Variants in SLC5A4 observed in about 807,000 individuals in gnomAD.
The protein encoded by SLC5A4 is solute carrier family 5 member 4.
Under a neutral mutation model 70.3 loss-of-function variants are expected in SLC5A4, and 55 were observed. The observed-to-expected ratio is 0.78, with a 90% confidence interval of 0.63 to 0.98. The LOEUF is 0.98. SLC5A4 is among the 50% of genes least tolerant of loss of function. The probability of loss-of-function intolerance (pLI) is 0.00; values close to 1 mark genes in which losing one functional copy is unlikely to be tolerated. For synonymous variants in SLC5A4, 268 were observed against 305.7 expected, an observed-to-expected ratio of 0.88 and a Z score of 1.29; for missense variants, 735 against 839.2, an observed-to-expected ratio of 0.88 and a Z score of 1.53.
chr22:32,272,631 A>G, the SLC5A4 span: 4 of 589,738 alleles, frequency 6.8e-6, no homozygotes, highest in Non-Finnish European at 1.2e-5. Context: ...CTGCAGCCTC[A>G]TGGTGTACAT....
At position 32,247,087 on chromosome 22, in the gene SLC5A4, T is replaced by C. The variant is rs148071027; in HGVS notation, c.477+324A>G. ...AAAGGCAGGCGACCAAGTCCTTCTC[T>C]TTACTACTAAAGAGCTGTGTTACTT... On this transcript the variant is annotated intron_variant, in intron 5 of 14. Coordinates refer to ENST00000266086, the MANE Select transcript of SLC5A4 (RefSeq NM_014227.3). Among the ~76,000 whole-genome samples, 316 of 152,346 alleles carry C rather than the reference T, an allele frequency of 2.1e-3. 2 individuals carry two copies. Among genetic ancestry groups the C allele is most frequent in the South Asian group, 8.1e-3 (39 of 4,820 alleles).
intron 11 of SLC5A4, 126 bp downstream of exon 11, chr22:32,229,068 A>T: frequency 2.4e-6 from 2 of 824,490 alleles, no homozygotes; most frequent in Non-Finnish European, 3.8e-6. Context: ...GATGTACTCC[A>T]ATGTCTCTTC....
the SLC5A4 span, among the ~76,000 whole-genome samples, chr22:32,289,817 TTCTG>T: frequency 2.0e-5 from 3 of 152,362 alleles, no homozygotes; most frequent in East Asian, 3.9e-4. Context: ...GTCATGCTGA[TTCTG>T]TCTTATTGTC....
the SLC5A4 span, among the ~76,000 whole-genome samples, chr22:32,342,576 T>C: frequency 6.6e-5 from 10 of 152,210 alleles, no homozygotes; most frequent in Non-Finnish European, 1.3e-4. Flanking sequence ...TTCTACTTCA[T>C]ATAAAATTAA....
At chr22:32,352,846 T>G in the SLC5A4 span, among the ~76,000 whole-genome samples, 2 of 152,228 alleles carry the variant, frequency 1.3e-5, no homozygotes. Context: ...ACCGCTCTGG[T>G]GCTCTTCAGT....
Position 32,224,198 on chromosome 22 carries a change from G to A in SLC5A4, c.1665+69C>T, listed in dbSNP as rs1925259826. 15 of 1,214,822 alleles carry A rather than the reference G, an allele frequency of 1.2e-5. No homozygotes were observed. In the Admixed American group the frequency reaches 2.1e-4, roughly 17 times the overall value. The allele number at this position is 1,214,822 out of a possible 1,614,324, so 75.3% of individuals were successfully genotyped here. On this transcript the variant is annotated intron_variant, in intron 13 of 14. Coordinates refer to ENST00000266086, the MANE Select transcript of SLC5A4 (RefSeq NM_014227.3). The stretch of plus-strand genomic sequence containing the variant: ...GCCTCCCAAAGTGCTGGGATTACAG[G>A]CGTGAGCCACTGCGCCCGGCCAAGA...
At position 32,218,667 on chromosome 22, in the gene SLC5A4, C is replaced by G. The variant is rs775139147; in HGVS notation, c.1827G>C (p.Leu609Phe). Residue 609 changes from leucine to phenylalanine, a missense_variant, in exon 15 of 15, where the codon TTG becomes TTC. By Grantham distance (22) the Leu-to-Phe change is conservative. Transcript: ENST00000266086. ...CCTTGGTTAGCTTGGGTCCCTTCTGCAAACCGCAGAACAAGTCATAAGCTT... is the reference window on the plus strand; with the variant it reads ...CCTTGGTTAGCTTGGGTCCCTTCTGGAAACCGCAGAACAAGTCATAAGCTT... ...LKKAYDLFCGLQKGPKLTKEE... is the reference protein window; with the variant it reads ...LKKAYDLFCGFQKGPKLTKEE... The G allele has an allele frequency of 5.0e-6, 8 of 1,613,900 alleles. No homozygotes were observed. The highest frequency in any genetic ancestry group is 1.7e-5 in the Admixed American group (1 of 59,976).
chr22:32,294,764 C>T, the SLC5A4 span, among the ~76,000 whole-genome samples: 2 of 128,664 alleles, frequency 1.6e-5, no homozygotes, highest in East Asian at 2.1e-4. Context: ...GCTGCACCCA[C>T]TAACTCATCA....
the SLC5A4 span, among the ~76,000 whole-genome samples, chr22:32,329,814 C>G: frequency 2.3e-5 from 1 of 43,528 alleles, no homozygotes; most frequent in Non-Finnish European, 3.7e-5. Context: ...GTTGGAGGCT[C>G]TGGTGTGTGT....
At chr22:32,225,563 T>C in intron 12 of SLC5A4, 92 bp downstream of exon 12, 2 of 779,116 alleles carry the variant, frequency 2.6e-6, no homozygotes, top group South Asian at 3.6e-5. Context: ...TTTGCATAAA[T>C]AGGGGAGAAA....
chr22:32,297,167 T>C, the SLC5A4 span, among the ~76,000 whole-genome samples: 6 of 152,060 alleles, frequency 3.9e-5, no homozygotes, highest in African/African-American at 1.4e-4. Flanking sequence ...GCTGGCCTCA[T>C]AAAATGAGTT....
chr22:32,244,838 C>T (rs894731056), intron 5 of SLC5A4, among the ~76,000 whole-genome samples: 3 of 152,130 alleles, frequency 2.0e-5, no homozygotes, highest in Non-Finnish European at 2.9e-5. Flanking sequence ...CCATCAATGA[C>T]ATTTTTCTTT....
the SLC5A4 span, among the ~76,000 whole-genome samples, chr22:32,329,691 G>A: frequency 2.2e-5 from 1 of 44,988 alleles, no homozygotes; most frequent in African/African-American, 1.3e-4. Context: ...TCTGGTGTGT[G>A]TGTGTTGGGG....
At chr22:32,351,929 G>C in the SLC5A4 span, among the ~76,000 whole-genome samples, 64 of 151,810 alleles carry the variant, frequency 4.2e-4, no homozygotes, top group African/African-American at 1.5e-3. Flanking sequence ...ACAAGAAAAT[G>C]ATGATAAGCA....
chr22:32,235,066 C>G lies in SLC5A4; in HGVS notation c.692G>C (p.Ser231Thr). Residue 231 changes from serine (S) to threonine (T), a missense_variant, in exon 8 of 15, where the codon AGC (serine) becomes ACC (threonine). Physicochemically the swap from Ser to Thr is moderately conservative, Grantham distance 58 (BLOSUM62 1). Transcript: ENST00000266086. ...GGCATTCACGTACTTCTCGGTAAAG[C>G]TCTCATAACCTCCAACTTCGTTAAA... is the stretch of plus-strand genomic sequence containing the variant. ...FAFNEVGGYE[S>T]FTEKYVNATP... is the part of the protein sequence containing the mutation. 7 of 1,613,554 alleles carry G rather than the reference C, an allele frequency of 4.3e-6. No individual in the cohort carries two copies. The highest frequency in any genetic ancestry group is 5.9e-6 in the Non-Finnish European group (7 of 1,179,782).
At chr22:32,333,802 T>A in the SLC5A4 span, among the ~76,000 whole-genome samples, 2 of 131,244 alleles carry the variant, frequency 1.5e-5, no homozygotes, top group South Asian at 2.6e-4. Flanking sequence ...GCCACACAGA[T>A]CCACACAATA....
At chr22:32,289,410 A>G in the SLC5A4 span, among the ~76,000 whole-genome samples, 4 of 152,272 alleles carry the variant, frequency 2.6e-5, no homozygotes, top group East Asian at 7.7e-4. Context: ...TGGTTTCTCC[A>G]TGCTGTTCTC....
intron 14 of SLC5A4, 106 bp downstream of exon 14, chr22:32,220,814 T>C: frequency 1.3e-6 from 1 of 791,314 alleles, no homozygotes; most frequent in Non-Finnish European, 2.2e-6. Flanking sequence ...TTGTCATAAA[T>C]CTAACAGCCT....
At chr22:32,352,293 A>G in the SLC5A4 span, among the ~76,000 whole-genome samples, 2 of 150,826 alleles carry the variant, frequency 1.3e-5, no homozygotes, top group Non-Finnish European at 3.0e-5. Flanking sequence ...GGGGAGGGAT[A>G]GCATTAGGAG....
Sources: gnomAD v4.1 joint callset for allele counts (sites outside exome capture counted in the v4.1 genomes callset) on GRCh38, gnomAD v4.1.1 for gene constraint, MANE v1.5 for transcripts, NCBI Gene and HGNC (gene_info 2026-07-23, HGNC 2026-07-21) for gene names.